Variants in LAMA2 observed in about 807,000 individuals in gnomAD.
LAMA2 encodes the protein laminin subunit alpha 2.
Under a neutral mutation model 364.8 loss-of-function variants are expected in LAMA2, and 269 were observed. That is an observed-to-expected ratio of 0.74 (90% CI 0.67 to 0.82). The LOEUF (loss-of-function observed/expected upper bound fraction) is 0.82, where lower values mean the gene tolerates loss of function less well. Among genes scored for constraint, LAMA2 ranks in the 40% least tolerant of loss-of-function variants. LAMA2 has a pLI of 0.00. For missense variants in LAMA2, 3,807 were observed against 3,873.2 expected, an observed-to-expected ratio of 0.98 and a Z score of 0.45; for synonymous variants, 1,379 against 1,370.6, an observed-to-expected ratio of 1.01 and a Z score of -0.14.
At chr6:129,234,295 G>T (rs1209486983) in intron 12 of LAMA2, among the ~76,000 whole-genome samples, 2 of 152,128 alleles carry the variant, frequency 1.3e-5, no homozygotes, top group Admixed American at 1.3e-4. Flanking sequence ...TTTAAATGAT[G>T]TCTACATAAT....
At chr6:129,129,425 C>A (rs1474843617) in intron 4 of LAMA2, among the ~76,000 whole-genome samples, 3 of 152,180 alleles carry the variant, frequency 2.0e-5, no homozygotes, top group Non-Finnish European at 4.4e-5. Flanking sequence ...ACATGTGCTT[C>A]TGTACATACA....
chr6:129,137,465 A>G (rs183989165), intron 4 of LAMA2, among the ~76,000 whole-genome samples: 3 of 152,210 alleles, frequency 2.0e-5, no homozygotes, highest in African/African-American at 7.2e-5. Context: ...CTACTAGTAT[A>G]TTTAATAATC....
At chr6:128,916,140 C>A (rs1186358398) in intron 1 of LAMA2, among the ~76,000 whole-genome samples, 1 of 152,092 alleles carries the variant, frequency 6.6e-6, no homozygotes, top group African/African-American at 2.4e-5. Flanking sequence ...TGATGATAGT[C>A]CTGCATTTCA....
intron 12 of LAMA2, among the ~76,000 whole-genome samples, chr6:129,212,755 A>T (rs1783181956): frequency 6.6e-6 from 1 of 152,220 alleles, no homozygotes; most frequent in Non-Finnish European, 1.5e-5. Context: ...TTCACTTAGG[A>T]AGCAGCTGCC....
At chr6:129,022,997 T>A (rs1219430675) in intron 1 of LAMA2, among the ~76,000 whole-genome samples, 2 of 152,216 alleles carry the variant, frequency 1.3e-5, no homozygotes, top group Non-Finnish European at 2.9e-5. Flanking sequence ...AGTTATATCT[T>A]GATATGTCAC....
intron 34 of LAMA2, among the ~76,000 whole-genome samples, chr6:129,370,407 C>A (rs1382403340): frequency 6.6e-6 from 1 of 152,164 alleles, no homozygotes; most frequent in Non-Finnish European, 1.5e-5. Context: ...TCAGTCTTTC[C>A]ACACAAAAGA....
At chr6:129,134,068 C>T (rs140653602) in intron 4 of LAMA2, among the ~76,000 whole-genome samples, 5 of 152,318 alleles carry the variant, frequency 3.3e-5, no homozygotes, top group Admixed American at 1.3e-4. Flanking sequence ...TGTTCCCACA[C>T]GGGGACTGAA....
intron 30 of LAMA2, 106 bp downstream of exon 30, chr6:129,342,573 A>G (rs2114568869): frequency 9.4e-7 from 1 of 1,062,386 alleles, no homozygotes; most frequent in East Asian, 2.6e-5. Flanking sequence ...AAAAATCTCA[A>G]TTTAAGATAG....
At chr6:128,930,060 G>T (rs1290013520) in intron 1 of LAMA2, 5 of 371,040 alleles carry the variant, frequency 1.3e-5, no homozygotes, top group African/African-American at 8.8e-5. Context: ...CAGCCCTGCA[G>T]GGCCGGCCGG....
At chr6:129,444,877 C>T (rs1782290297) in intron 44 of LAMA2, among the ~76,000 whole-genome samples, 1 of 152,192 alleles carries the variant, frequency 6.6e-6, no homozygotes, top group Non-Finnish European at 1.5e-5. Context: ...TGCCAGCATC[C>T]CAGCAATAGA....
At chr6:128,932,476 A>G (rs1451553586) in intron 1 of LAMA2, among the ~76,000 whole-genome samples, 1 of 152,194 alleles carries the variant, frequency 6.6e-6, no homozygotes, top group Non-Finnish European at 1.5e-5. Context: ...CAAGACTTAC[A>G]TATATTACAG....
At chr6:129,383,587 C>A (rs1778817209) in intron 35 of LAMA2, among the ~76,000 whole-genome samples, 3 of 152,142 alleles carry the variant, frequency 2.0e-5, no homozygotes, top group Non-Finnish European at 4.4e-5. Flanking sequence ...TGTCATCATT[C>A]CACTTGATAC....
chr6:129,068,833 C>T (rs1019694222), intron 3 of LAMA2, among the ~76,000 whole-genome samples: 1 of 152,060 alleles, frequency 6.6e-6, no homozygotes, highest in African/African-American at 2.4e-5. Context: ...AAGTCTGGGA[C>T]TGTCATTTTT....
intron 40 of LAMA2, among the ~76,000 whole-genome samples, chr6:129,421,542 T>C (rs1466275620): frequency 1.3e-5 from 2 of 152,142 alleles, no homozygotes; most frequent in Non-Finnish European, 1.5e-5. Flanking sequence ...AAATGCTGCT[T>C]CATCACCTGT....
At chr6:129,038,830 T>A (rs538973302) in intron 1 of LAMA2, among the ~76,000 whole-genome samples, 145 of 152,262 alleles carry the variant, frequency 9.5e-4, no homozygotes, top group Admixed American at 3.6e-3. Flanking sequence ...AGAAAAGAAA[T>A]GGAGGATGAA....
At chr6:128,997,070 G>A (rs1483569008) in intron 1 of LAMA2, among the ~76,000 whole-genome samples, 6 of 149,210 alleles carry the variant, frequency 4.0e-5, no homozygotes, top group Non-Finnish European at 7.4e-5. Flanking sequence ...AGTGGGTGTT[G>A]AACAGTGAGA....
At chr6:129,482,746 A>G (rs1242761897) in intron 55 of LAMA2, among the ~76,000 whole-genome samples, 2 of 152,214 alleles carry the variant, frequency 1.3e-5, no homozygotes, top group African/African-American at 4.8e-5. Context: ...TCAGGAATGC[A>G]GAAGTGGTTT....
At chr6:129,158,557 A>G in intron 8 of LAMA2, 1 of 1,614,104 alleles carries the variant, frequency 6.2e-7, no homozygotes. Flanking sequence ...TCACGATTGT[A>G]ACGACGTCTG....
At chr6:129,365,989 A>G (rs529178903) in intron 32 of LAMA2, among the ~76,000 whole-genome samples, 1 of 152,180 alleles carries the variant, frequency 6.6e-6, no homozygotes, top group African/African-American at 2.4e-5. Context: ...CTCAGTTTAT[A>G]TTATCGCCTC....
Sources: gnomAD v4.1 joint callset for allele counts (sites outside exome capture counted in the v4.1 genomes callset) on GRCh38, gnomAD v4.1.1 for gene constraint, MANE v1.5 for transcripts, NCBI Gene and HGNC (gene_info 2026-07-23, HGNC 2026-07-21) for gene names.